Variants in PTPRN2 observed in about 807,000 individuals in gnomAD.
PTPRN2 encodes the protein receptor-type tyrosine-protein phosphatase N2.
A neutral mutation model predicts 118.8 loss-of-function variants in PTPRN2; 74 were observed. The observed-to-expected ratio is 0.62, with a 90% CI of 0.52 to 0.76. PTPRN2 has a LOEUF of 0.76. PTPRN2 is among the 30% of genes least tolerant of loss of function. The pLI, the probability that PTPRN2 is intolerant of heterozygous loss-of-function variation, is 0.00. For synonymous variants in PTPRN2, 641 were observed against 608.0 expected (o/e 1.05, Z -0.80); for missense variants, 1,481 against 1,394.4 (o/e 1.06, Z -0.99).
At chr7:157,744,455 T>C (rs56375737) in intron 12 of PTPRN2, among the ~76,000 whole-genome samples, 18,846 of 152,196 alleles carry the variant, frequency 0.12, 1,337 homozygotes, top group African/African-American at 0.17. Context: ...TACACAACGA[T>C]GGAATCTGCT....
chr7:157,626,281 A>T (rs750668528), intron 14 of PTPRN2, among the ~76,000 whole-genome samples: 4 of 152,146 alleles, frequency 2.6e-5, no homozygotes, highest in Non-Finnish European at 5.9e-5. Context: ...TAACCTATTT[A>T]AAAAAATTAC....
intron 22 of PTPRN2, among the ~76,000 whole-genome samples, chr7:157,544,837 G>A (rs982903669): frequency 5.3e-5 from 8 of 152,190 alleles, no homozygotes; most frequent in South Asian, 2.1e-4. Flanking sequence ...GAATGTGTGC[G>A]GGTGTGTGTG....
At position 157,609,946 on chromosome 7, in the gene PTPRN2, G is replaced by A. The variant is rs940616413; in HGVS notation, c.2345-5871C>T. On this transcript the variant is annotated intron_variant, in intron 15 of 22. Coordinates refer to ENST00000389418, the MANE Select transcript of PTPRN2 (RefSeq NM_002847.5). The surrounding 1 kb of genome is among the most constrained non-coding windows in gnomAD (Gnocchi z 4.9). ...CCCAGCTAAGCATGCTAGAGGACGCGGCGGTATAGTCATTAATCATGATCT... is the reference window on the plus strand; with the variant it reads ...CCCAGCTAAGCATGCTAGAGGACGCAGCGGTATAGTCATTAATCATGATCT... 3.9e-5 allele frequency among the ~76,000 whole-genome samples: 6 copies of A among 152,172 alleles called. No homozygotes were observed. Among genetic ancestry groups the A allele is most frequent in the African/African-American group, 1.4e-4 (6 of 41,430 alleles).
At position 158,188,594 on chromosome 7, in the gene PTPRN2, T is replaced by TG. The variant is rs1233734630; in HGVS notation, c.549+3732dup. Among the ~76,000 whole-genome samples, 17 of 66,120 alleles carry TG rather than the reference T, an allele frequency of 2.6e-4. 2 individuals carry two copies. The highest frequency in any genetic ancestry group is 9.7e-4 in the African/African-American group (17 of 17,502). The allele number at this position is 66,120 out of a possible 152,430, so 43.4% of individuals were successfully genotyped here. A position where few individuals can be genotyped will look rare whatever the true frequency, so the allele number is the denominator to read the frequency against. ...GGGGAAGGCCGCCACGCTCGCCCCCTGATGGGGAAGCCCGCCACGCTCGCC... is the reference window on the plus strand; with the variant it reads ...GGGGAAGGCCGCCACGCTCGCCCCCTGGATGGGGAAGCCCGCCACGCTCGCC... On this transcript the variant is annotated intron_variant, in intron 5 of 22. Coordinates refer to ENST00000389418, the MANE Select transcript of PTPRN2 (RefSeq NM_002847.5).
At chr7:157,971,274 AT>A (rs1307662920) in intron 11 of PTPRN2, among the ~76,000 whole-genome samples, 2 of 152,142 alleles carry the variant, frequency 1.3e-5, no homozygotes. Context: ...AAAAAAGGTT[AT>A]TTTTTTCTTA....
rs887285884 is a variant in PTPRN2 at position 157,690,337 on chromosome 7, C to T, written c.1789-7400G>A. ...TGCGGCGAGGCAGAGACCCCCTGAA[C>T]TGAGCTCTCCGACGCCCTAGTTGCC... On this transcript the variant is annotated intron_variant, in intron 12 of 22. Transcript: ENST00000389418. This position sits in a 1 kb window ranked among gnomAD's most constrained non-coding sequence, Gnocchi z 7.1. Among the ~76,000 whole-genome samples, 8 of 152,360 alleles carry T rather than the reference C, an allele frequency of 5.3e-5. No homozygotes were observed. The highest frequency in any genetic ancestry group is 6.5e-5 in the Admixed American group (1 of 15,310).
Position 158,163,251 on chromosome 7 carries a change from A to C in PTPRN2, c.910+3680T>G, listed in dbSNP as rs116487265. 3.1e-4 allele frequency among the ~76,000 whole-genome samples: 46 copies of C among 148,722 alleles called. No homozygotes were observed. The South Asian group carries it at 8.8e-3, about 29-fold the overall frequency. ...CTATACCAGGTTCTCAATTCTCTCTATTTCTTAGGTGACGCCTGTACGGGG... is the reference window on the plus strand; with the variant it reads ...CTATACCAGGTTCTCAATTCTCTCTCTTTCTTAGGTGACGCCTGTACGGGG... On this transcript the variant is annotated intron_variant, in intron 6 of 22. Transcript: ENST00000389418.
chr7:158,332,418 G>A (rs4909184), intron 2 of PTPRN2, among the ~76,000 whole-genome samples: 1 of 132,228 alleles, frequency 7.6e-6, no homozygotes, highest in Non-Finnish European at 1.6e-5. Context: ...CTCAACATAA[G>A]AGCTGACACC....
intron 6 of PTPRN2, among the ~76,000 whole-genome samples, chr7:158,140,977 C>T (rs1011225649): frequency 3.3e-5 from 5 of 152,168 alleles, no homozygotes; most frequent in Non-Finnish European, 7.4e-5. Flanking sequence ...CCGAACGACA[C>T]CGGCAGAGTG....
At chr7:158,523,545 G>GCA (rs1824430571) in intron 1 of PTPRN2, among the ~76,000 whole-genome samples, 2 of 58,410 alleles carry the variant, frequency 3.4e-5, no homozygotes, top group African/African-American at 5.1e-5. Context: ...GCCCTGGAAT[G>GCA]GAGTCCTCTG....
chr7:157,650,436 C>G (rs1314137771), intron 14 of PTPRN2, among the ~76,000 whole-genome samples: 1 of 152,274 alleles, frequency 6.6e-6, no homozygotes, highest in African/African-American at 2.4e-5. Context: ...CCGGCATCGT[C>G]CAGACAGCAG....
intron 3 of PTPRN2, among the ~76,000 whole-genome samples, chr7:158,310,979 C>T (rs1313005266): frequency 1.3e-5 from 2 of 152,244 alleles, no homozygotes; most frequent in African/African-American, 4.8e-5. Flanking sequence ...CCCCACACCA[C>T]ACATCTGCCT....
intron 1 of PTPRN2, among the ~76,000 whole-genome samples, chr7:158,510,006 G>A (rs1282849785): frequency 6.6e-6 from 1 of 152,198 alleles, no homozygotes; most frequent in African/African-American, 2.4e-5. Context: ...CGGCAGAGAA[G>A]AACAGGCACA....
rs1802847446 is a variant in PTPRN2, at chr7:157,617,338, G to A, written c.2344+4024C>T. On this transcript the variant is annotated intron_variant, in intron 15 of 22. Transcript: ENST00000389418. The surrounding 1 kb of genome is among the most constrained non-coding windows in gnomAD (Gnocchi z 7.5). ...GGACGCTGGCTCACGATGCCCCAGTGATGCCGTGGTTAGGACGCCGTTCAC... is the reference window on the plus strand; with the variant it reads ...GGACGCTGGCTCACGATGCCCCAGTAATGCCGTGGTTAGGACGCCGTTCAC... The A allele has an allele frequency of 6.7e-6, 1 of 149,966 alleles. No individual in the cohort carries two copies. Among genetic ancestry groups the A allele is most frequent in the Non-Finnish European group, 1.5e-5 (1 of 67,652 alleles). 9.3% of individuals were successfully genotyped at this position (149,966 alleles called of 1,614,324 possible).
intron 12 of PTPRN2, among the ~76,000 whole-genome samples, chr7:157,762,845 G>GC (rs1368342201): frequency 1.3e-5 from 2 of 152,198 alleles, no homozygotes; most frequent in African/African-American, 2.4e-5. Flanking sequence ...GGGTATCAGG[G>GC]CCCCCCTTGG....
At chr7:157,828,215 C>T (rs144439192) in intron 12 of PTPRN2, among the ~76,000 whole-genome samples, 4 of 152,166 alleles carry the variant, frequency 2.6e-5, no homozygotes, top group South Asian at 2.1e-4. Flanking sequence ...CCCTTCCACG[C>T]GTGTGGTCAC....
At chr7:158,397,186 C>T (rs1471702062) in intron 2 of PTPRN2, among the ~76,000 whole-genome samples, 1 of 152,250 alleles carries the variant, frequency 6.6e-6, no homozygotes, top group Non-Finnish European at 1.5e-5. Context: ...TGCGTAATCT[C>T]AAAGCAAACA....
chr7:157,746,158 T>C (rs1255564767), intron 12 of PTPRN2, among the ~76,000 whole-genome samples: 6 of 111,234 alleles, frequency 5.4e-5, no homozygotes, highest in East Asian at 3.9e-4. Flanking sequence ...ACAGTCCTCA[T>C]GGGACCCTGA....
intron 3 of PTPRN2, among the ~76,000 whole-genome samples, chr7:158,246,376 T>C (rs2150874372): frequency 6.6e-6 from 1 of 151,428 alleles, no homozygotes; most frequent in East Asian, 2.0e-4. Flanking sequence ...GGCTTAAAGA[T>C]TTGGAGTCGA....
Sources: gnomAD v4.1 joint callset for allele counts (sites outside exome capture counted in the v4.1 genomes callset) on GRCh38, gnomAD v4.1.1 for gene constraint, Gnocchi (gnomAD v3.1) non-coding constraint, MANE v1.5 for transcripts, NCBI Gene and HGNC (gene_info 2026-07-23, HGNC 2026-07-21) for gene names.